The following ZNF148 variants were observed in gnomAD, a reference collection of about 807,000 sequenced individuals.
The protein encoded by ZNF148 is zinc finger protein 148.
ZNF148 carries 7 observed loss-of-function variants against 67.7 expected under a neutral mutation model. The ratio of observed to expected loss-of-function variants is 0.10; its 90% CI spans 0.06 to 0.19. The LOEUF (loss-of-function observed/expected upper bound fraction) is 0.19, where lower values mean the gene tolerates loss of function less well. ZNF148 is among the 10% of genes least tolerant of loss of function. The pLI is 1.00. For synonymous variants in ZNF148, 333 were observed against 330.7 expected (o/e 1.01, Z -0.08); for missense variants, 583 against 947.1 (o/e 0.62, Z 5.05).
intron 7 of ZNF148, among the ~76,000 whole-genome samples, chr3:125,241,775 A>AT (rs1450866049): frequency 6.6e-6 from 1 of 152,248 alleles, no homozygotes; most frequent in African/African-American, 2.4e-5. Context: ...ACACTCATAA[A>AT]AAGAATTTCT....
chr3:125,296,059 C>T (rs535279340), intron 4 of ZNF148, among the ~76,000 whole-genome samples: 51 of 151,790 alleles, frequency 3.4e-4, no homozygotes, highest in African/African-American at 1.2e-3. Flanking sequence ...TTTCCTTTCA[C>T]GTTAGATCCT....
chr3:125,288,436 T>A (rs1938824413), intron 4 of ZNF148, among the ~76,000 whole-genome samples: 1 of 151,790 alleles, frequency 6.6e-6, no homozygotes, highest in Non-Finnish European at 1.5e-5. Flanking sequence ...AATTGAGGGA[T>A]AAACAGATTT....
chr3:125,279,425 C>A (rs192854790), intron 5 of ZNF148, among the ~76,000 whole-genome samples, 178 bp from the exon 6 acceptor site: 1 of 151,946 alleles, frequency 6.6e-6, no homozygotes, highest in African/African-American at 2.4e-5. Flanking sequence ...TAGGAAAGTA[C>A]AATGTGACTC....
At position 125,232,238 on chromosome 3, in the gene ZNF148, G is replaced by A. The variant is rs150014279; in HGVS notation, c.*103C>T. The A allele has an allele frequency of 5.5e-5, 71 of 1,290,272 alleles. No homozygotes were observed. The highest frequency in any genetic ancestry group is 2.7e-5 in the Admixed American group (1 of 37,088). 79.9% of individuals were successfully genotyped at this position (1,290,272 alleles called of 1,614,324 possible). A position where few individuals can be genotyped will look rare whatever the true frequency, so the allele number is the denominator to read the frequency against. The stretch of plus-strand genomic sequence containing the variant: ...TCATATCAGCTTAACTTGTTATTAC[G>A]CATTGCTCTTAAATCTGTACAGCAC... On this transcript the variant is annotated 3_prime_UTR_variant, in exon 9 of 9. Transcript: ENST00000360647. The surrounding 1 kb of genome is among the most constrained non-coding windows in gnomAD (Gnocchi z 4.2).
At chr3:125,304,773 C>T (rs926088144) in intron 4 of ZNF148, among the ~76,000 whole-genome samples, 1 of 152,114 alleles carries the variant, frequency 6.6e-6, no homozygotes, top group Non-Finnish European at 1.5e-5. Flanking sequence ...CTAGGAGCAG[C>T]TATATCCCAA....
chr3:125,371,393 G>A (rs1281394958), intron 1 of ZNF148, among the ~76,000 whole-genome samples: 10 of 126,782 alleles, frequency 7.9e-5, no homozygotes, highest in Non-Finnish European at 1.7e-4. Context: ...GGGGCAGGGC[G>A]AAGTGGCTCA....
chr3:125,249,710 A>C (rs1486040495), intron 7 of ZNF148, among the ~76,000 whole-genome samples: 1 of 152,238 alleles, frequency 6.6e-6, no homozygotes, highest in Non-Finnish European at 1.5e-5. Flanking sequence ...TCATTATCTT[A>C]AAGAGATATC....
chr3:125,348,350 G>A (rs77665504), intron 1 of ZNF148, among the ~76,000 whole-genome samples: 2,021 of 151,452 alleles, frequency 0.013, 52 homozygotes, highest in African/African-American at 0.046. Flanking sequence ...GTGTGGTGGC[G>A]CATACCTATA....
chr3:125,238,679 C>CT (rs1936206317), intron 7 of ZNF148, among the ~76,000 whole-genome samples: 1 of 152,148 alleles, frequency 6.6e-6, no homozygotes, highest in Non-Finnish European at 1.5e-5. Context: ...AATATGTCTG[C>CT]TGTTGGGACT....
chr3:125,236,816 A>T (rs192333499), intron 7 of ZNF148, among the ~76,000 whole-genome samples: 48 of 152,290 alleles, frequency 3.2e-4, no homozygotes, highest in South Asian at 2.1e-4. Context: ...AGAATAGCTC[A>T]CTTGTATACA....
In ZNF148 at chr3:125,229,142, T is replaced by C. The variant is rs1291427597; in HGVS notation, c.*3199A>G. 1 of 152,174 alleles carries C rather than the reference T, an allele frequency of 6.6e-6. No homozygotes were observed. The highest frequency in any genetic ancestry group is 2.4e-5 in the African/African-American group (1 of 41,412). The allele number at this position is 152,174 out of a possible 1,614,324, so 9.4% of individuals were successfully genotyped here. On this transcript the variant is annotated 3_prime_UTR_variant, in exon 9 of 9. Coordinates refer to ENST00000360647, the MANE Select transcript of ZNF148 (RefSeq NM_021964.3). ...TATACTGTGAAAAAAAAATGAGTTC[T>C]AGTTTAAAATGTTCTAAGAAATGCA...
chr3:125,371,656 C>CT (rs201055734), intron 1 of ZNF148, among the ~76,000 whole-genome samples: 3,429 of 126,724 alleles, frequency 0.027, 194 homozygotes, highest in South Asian at 0.088. Context: ...TAGACTCCGT[C>CT]CCAAAAAAAA....
chr3:125,307,054 C>A (rs1197526158), intron 4 of ZNF148, among the ~76,000 whole-genome samples: 28 of 144,376 alleles, frequency 1.9e-4, no homozygotes, highest in African/African-American at 2.3e-4. Context: ...ATAGCTATTC[C>A]AAAAAAAAAA....
intron 7 of ZNF148, among the ~76,000 whole-genome samples, chr3:125,252,919 T>C (rs1357166613): frequency 6.6e-6 from 1 of 152,194 alleles, no homozygotes; most frequent in Non-Finnish European, 1.5e-5. Flanking sequence ...AATTATACAA[T>C]GTTTCAAATG....
intron 7 of ZNF148, among the ~76,000 whole-genome samples, chr3:125,235,725 AT>A (rs2107515979): frequency 6.6e-6 from 1 of 152,158 alleles, no homozygotes; most frequent in Non-Finnish European, 1.5e-5. Flanking sequence ...GATAGACTGG[AT>A]TAAGAAAATG....
intron 1 of ZNF148, among the ~76,000 whole-genome samples, chr3:125,360,028 A>G (rs973664664): frequency 8.5e-5 from 13 of 152,306 alleles, no homozygotes; most frequent in African/African-American, 3.1e-4. Flanking sequence ...TTTAATAAAA[A>G]TATTACACTT....
chr3:125,289,706 C>T (rs569014234), intron 4 of ZNF148, among the ~76,000 whole-genome samples: 1 of 152,240 alleles, frequency 6.6e-6, no homozygotes, highest in East Asian at 1.9e-4. Context: ...GTAGTACAAA[C>T]ATTTCTGTCA....
At chr3:125,310,373 C>T (rs1372181332) in intron 4 of ZNF148, among the ~76,000 whole-genome samples, 2 of 151,882 alleles carry the variant, frequency 1.3e-5, no homozygotes, top group African/African-American at 4.8e-5. Flanking sequence ...GGCACCACAC[C>T]CAGTCCAAAG....
At chr3:125,240,023 C>A (rs1936276831) in intron 7 of ZNF148, among the ~76,000 whole-genome samples, 1 of 152,258 alleles carries the variant, frequency 6.6e-6, no homozygotes, top group Non-Finnish European at 1.5e-5. Context: ...AGTTGTACAA[C>A]TCTGTGAACA....
Sources: allele counts gnomAD v4.1 joint callset (sites outside exome capture counted in the v4.1 genomes callset), GRCh38; gene constraint gnomAD v4.1.1; non-coding constraint Gnocchi (gnomAD v3.1); transcripts MANE v1.5; gene names NCBI Gene and HGNC (gene_info 2026-07-23, HGNC 2026-07-21).